Variants in MGAT4C observed in about 807,000 individuals in gnomAD.
MGAT4C encodes the protein MGAT4 family member C.
Under a neutral mutation model 40.1 loss-of-function variants are expected in MGAT4C, and 19 were observed. The ratio of observed to expected loss-of-function variants is 0.47; its 90% CI spans 0.33 to 0.70. The LOEUF (loss-of-function observed/expected upper bound fraction) is 0.70, where lower values mean the gene tolerates loss of function less well. Ranked by LOEUF, MGAT4C falls within the 30% of genes least tolerant of loss-of-function variation. MGAT4C has a pLI of 0.02. For missense variants in MGAT4C, 491 were observed against 563.2 expected, an observed-to-expected ratio of 0.87 and a Z score of 1.30; for synonymous variants, 181 against 187.1, an observed-to-expected ratio of 0.97 and a Z score of 0.27.
intron 1 of MGAT4C, among the ~76,000 whole-genome samples, chr12:86,837,663 G>T (rs564902317): frequency 2.6e-5 from 4 of 152,032 alleles, no homozygotes; most frequent in Admixed American, 2.6e-4. Flanking sequence ...CAATATGATA[G>T]ATTTCATTGA....
intron 1 of MGAT4C, among the ~76,000 whole-genome samples, chr12:86,167,757 G>A: frequency 6.6e-6 from 1 of 152,156 alleles, no homozygotes; most frequent in Middle Eastern, 3.2e-3. Context: ...CCTCTTAAAG[G>A]TCCCTCCTAT....
chr12:86,208,420 T>C (rs993250757), intron 1 of MGAT4C, among the ~76,000 whole-genome samples: 1 of 152,204 alleles, frequency 6.6e-6, no homozygotes, highest in Non-Finnish European at 1.5e-5. Flanking sequence ...TGAGCTGAGA[T>C]GGCACCACTG....
chr12:86,235,955 C>G (rs1951521834), intron 1 of MGAT4C, among the ~76,000 whole-genome samples: 1 of 152,008 alleles, frequency 6.6e-6, no homozygotes, highest in Admixed American at 6.6e-5. Flanking sequence ...GTCTACATAA[C>G]AGAAGGTCAG....
At chr12:86,265,716 A>T (rs1952768084) in intron 4 of MGAT4C, among the ~76,000 whole-genome samples, 1 of 152,152 alleles carries the variant, frequency 6.6e-6, no homozygotes, top group Non-Finnish European at 1.5e-5. Flanking sequence ...TTTGATATAG[A>T]TTTCAATGAA....
intron 2 of MGAT4C, among the ~76,000 whole-genome samples, chr12:86,005,797 C>T (rs1017090139): frequency 6.6e-6 from 1 of 152,132 alleles, no homozygotes; most frequent in African/African-American, 2.4e-5. Flanking sequence ...TTCTTCCTTT[C>T]CTTATGTAAA....
In MGAT4C at chr12:86,333,160, C is replaced by G. The variant is rs143120395; in HGVS notation, c.-57+905G>C. ...ATAGGATTCCTTCTAAGTCACTTATCTGCAGCCAGGCAAACTTGTCTCACC... is the reference window on the plus strand; with the variant it reads ...ATAGGATTCCTTCTAAGTCACTTATGTGCAGCCAGGCAAACTTGTCTCACC... On this transcript the variant is annotated intron_variant, in intron 4 of 7. Transcript: ENST00000548651. Among the ~76,000 whole-genome samples the G allele has an allele frequency of 7.9e-4, 120 of 152,290 alleles. 3 individuals carry two copies. The East Asian group carries it at 0.022, about 27-fold the overall frequency.
At chr12:86,698,161 CA>C (rs1950292801) in intron 2 of MGAT4C, among the ~76,000 whole-genome samples, 1 of 150,856 alleles carries the variant, frequency 6.6e-6, no homozygotes, top group Non-Finnish European at 1.5e-5. Flanking sequence ...ACAAGAGACT[CA>C]ATACTTTAAA....
chr12:86,237,009 T>A (rs953898913), intron 1 of MGAT4C, among the ~76,000 whole-genome samples: 1 of 150,424 alleles, frequency 6.6e-6, no homozygotes, highest in African/African-American at 2.4e-5. Flanking sequence ...TATGTTAATA[T>A]TTATATATAT....
chr12:86,077,891 A>AT (rs1300310815), intron 1 of MGAT4C, among the ~76,000 whole-genome samples: 3 of 152,184 alleles, frequency 2.0e-5, no homozygotes, highest in Non-Finnish European at 4.4e-5. Context: ...TGTATCTTTC[A>AT]TCTTAGCCTG....
chr12:86,420,865 ATATATATACATACATGTATATGTG>A (rs1418786381), intron 3 of MGAT4C, among the ~76,000 whole-genome samples: 3 of 146,214 alleles, frequency 2.1e-5, no homozygotes, highest in East Asian at 2.0e-4. Context: ...ATATATGTGT[ATATATATACATACATGTATATGTG>A]TATATATACA....
Position 86,356,716 on chromosome 12 carries a change from G to A in MGAT4C, c.-119-22589C>T, listed in dbSNP as rs187131702. Among the ~76,000 whole-genome samples, 276 of 152,236 alleles carry A rather than the reference G, an allele frequency of 1.8e-3. 1 individual carries two copies. Among genetic ancestry groups the A allele is most frequent in the African/African-American group, 6.1e-3 (254 of 41,522 alleles). ...GAGGGTCTTACACCCATGGAGACTC[G>A]CTCACTGCTAGCACTGCAGTCTGAG... On this transcript the variant is annotated intron_variant, in intron 3 of 7. Coordinates refer to the MGAT4C transcript ENST00000548651.
At position 85,978,234 on chromosome 12, in the gene MGAT4C, A is replaced by T. The variant is rs1390846830; in HGVS notation, c.*1055T>A. ...ACACAAAGCATAAATCTGTCAGGAGAAATCATACGAGAAAAAGAGCATTGT... is the reference window on the plus strand; with the variant it reads ...ACACAAAGCATAAATCTGTCAGGAGTAATCATACGAGAAAAAGAGCATTGT... On this transcript the variant is annotated 3_prime_UTR_variant, in exon 5 of 5. Transcript: ENST00000611864. 6.6e-6 allele frequency: 1 copy of T among 151,654 alleles called. No homozygotes were observed. The highest frequency in any genetic ancestry group is 2.4e-5 in the African/African-American group (1 of 41,394). 9.4% of individuals were successfully genotyped at this position (151,654 alleles called of 1,614,324 possible). A position where few individuals can be genotyped will look rare whatever the true frequency, so the allele number is the denominator to read the frequency against.
At chr12:86,297,470 C>A (rs1440145979) in intron 4 of MGAT4C, among the ~76,000 whole-genome samples, 3 of 152,100 alleles carry the variant, frequency 2.0e-5, no homozygotes, top group African/African-American at 7.2e-5. Flanking sequence ...ATTTAAACTA[C>A]ATTTGAGTCT....
At chr12:86,596,980 T>C (rs1961561659) in intron 2 of MGAT4C, among the ~76,000 whole-genome samples, 1 of 152,198 alleles carries the variant, frequency 6.6e-6, no homozygotes. Flanking sequence ...CTGAGCATCA[T>C]TAATGTTAAA....
chr12:86,618,435 A>G (rs537866302), intron 2 of MGAT4C, among the ~76,000 whole-genome samples: 14 of 152,204 alleles, frequency 9.2e-5, no homozygotes, highest in Admixed American at 7.9e-4. Context: ...CTGTTCATCA[A>G]CAGATGAATA....
intron 2 of MGAT4C, among the ~76,000 whole-genome samples, chr12:86,038,444 T>C (rs949246468): frequency 4.0e-5 from 6 of 150,062 alleles, no homozygotes; most frequent in African/African-American, 1.5e-4. Flanking sequence ...GGTGCATATA[T>C]ATTTAGGATA....
chr12:86,384,902 A>G (rs2136223073), intron 3 of MGAT4C, among the ~76,000 whole-genome samples: 1 of 152,302 alleles, frequency 6.6e-6, no homozygotes, highest in East Asian at 1.9e-4. Flanking sequence ...TAAGCTGTTA[A>G]CCATTTTACT....
At chr12:86,239,989 C>T (rs1002358174) in intron 1 of MGAT4C, among the ~76,000 whole-genome samples, 8 of 147,166 alleles carry the variant, frequency 5.4e-5, no homozygotes, top group Non-Finnish European at 1.2e-4. Flanking sequence ...AACTAACCTG[C>T]ACAATGTGCA....
chr12:86,357,723 G>T (rs1366483878), intron 3 of MGAT4C, among the ~76,000 whole-genome samples: 1 of 152,102 alleles, frequency 6.6e-6, no homozygotes. Flanking sequence ...GGAAGAAAGG[G>T]TATCAGTGAT....
Sources: gnomAD v4.1 joint callset for allele counts (sites outside exome capture counted in the v4.1 genomes callset) on GRCh38, gnomAD v4.1.1 for gene constraint, MANE v1.5 for transcripts, NCBI Gene and HGNC (gene_info 2026-07-23, HGNC 2026-07-21) for gene names.